Variants in RIMS1 observed in about 807,000 individuals in gnomAD.
The protein encoded by RIMS1 is regulating synaptic membrane exocytosis protein 1.
RIMS1 carries 83 observed loss-of-function variants against 214.1 expected under a neutral mutation model. The ratio of observed to expected loss-of-function variants is 0.39; its 90% CI spans 0.32 to 0.47. RIMS1 has a LOEUF of 0.47. Among genes scored for constraint, RIMS1 ranks in the 20% least tolerant of loss-of-function variants. The pLI is 0.99. For synonymous variants in RIMS1, 793 were observed against 786.8 expected, an observed-to-expected ratio of 1.01 and a Z score of -0.13; for missense variants, 2,050 against 2,161.8, an observed-to-expected ratio of 0.95 and a Z score of 1.03.
At chr6:72,345,137 T>C (rs1467622344) in intron 29 of RIMS1, among the ~76,000 whole-genome samples, 1 of 151,800 alleles carries the variant, frequency 6.6e-6, no homozygotes, top group Non-Finnish European at 1.5e-5. Context: ...TGTGTCTGAT[T>C]ATTTTTAAGA....
chr6:72,148,589 A>G (rs1292045741), intron 4 of RIMS1: 3 of 456,736 alleles, frequency 6.6e-6, no homozygotes, highest in Non-Finnish European at 1.3e-5. Context: ...CATCTATGCC[A>G]TGGATACGAG....
At chr6:71,971,712 C>T (rs553728852) in intron 2 of RIMS1, among the ~76,000 whole-genome samples, 15 of 152,252 alleles carry the variant, frequency 9.9e-5, no homozygotes, top group Admixed American at 7.8e-4. Flanking sequence ...TGGCAGCAGA[C>T]AAGAGAAGAG....
intron 1 of RIMS1, among the ~76,000 whole-genome samples, chr6:71,941,963 C>T (rs900917567): frequency 6.6e-6 from 1 of 152,190 alleles, no homozygotes; most frequent in Admixed American, 6.5e-5. Flanking sequence ...GACAGCTTGC[C>T]TTTGAAAGAA....
At chr6:72,226,206 G>T (rs147920064) in intron 6 of RIMS1, among the ~76,000 whole-genome samples, 2 of 151,968 alleles carry the variant, frequency 1.3e-5, no homozygotes, top group African/African-American at 2.4e-5. Flanking sequence ...TTTATCTAAG[G>T]CATTATAGCA....
Position 72,152,815 on chromosome 6 carries a change from A to C in RIMS1, c.472-26760A>C, listed in dbSNP as rs1017313675. Among the ~76,000 whole-genome samples, 22 of 71,336 alleles carry C rather than the reference A, an allele frequency of 3.1e-4. 1 individual carries two copies. The highest frequency in any genetic ancestry group is 1.1e-3 in the East Asian group (2 of 1,864). 46.8% of individuals were successfully genotyped at this position (71,336 alleles called of 152,430 possible). On this transcript the variant is annotated intron_variant, in intron 4 of 33. Transcript: ENST00000521978. Reference sequence around the variant, plus strand: ...GGAATATATGTATATATATGTATATATATGGAATATATGTATATATATGTA... The same window carrying C: ...GGAATATATGTATATATATGTATATCTATGGAATATATGTATATATATGTA...
At chr6:72,386,230 T>C (rs1030968979) in intron 29 of RIMS1, among the ~76,000 whole-genome samples, 3 of 152,236 alleles carry the variant, frequency 2.0e-5, no homozygotes, top group East Asian at 3.8e-4. Context: ...TTATTCACTT[T>C]TAAAGTTTTT....
intron 2 of RIMS1, among the ~76,000 whole-genome samples, chr6:72,055,107 G>T (rs1825805936): frequency 6.6e-6 from 1 of 152,084 alleles, no homozygotes; most frequent in East Asian, 1.9e-4. Flanking sequence ...TGTATAAGGT[G>T]TAATGTCCCT....
At chr6:71,963,573 A>G (rs890688065) in intron 1 of RIMS1, among the ~76,000 whole-genome samples, 2 of 152,164 alleles carry the variant, frequency 1.3e-5, no homozygotes, top group Non-Finnish European at 2.9e-5. Flanking sequence ...CAGATGTTAA[A>G]TAGTATTTCA....
chr6:72,272,108 G>A (rs989418158), intron 22 of RIMS1, among the ~76,000 whole-genome samples: 16 of 152,112 alleles, frequency 1.1e-4, no homozygotes, highest in South Asian at 2.1e-4. Context: ...AGAAAGGACC[G>A]GTTTAGTTCA....
At chr6:72,044,764 T>C (rs902773409) in intron 2 of RIMS1, among the ~76,000 whole-genome samples, 7 of 151,892 alleles carry the variant, frequency 4.6e-5, no homozygotes, top group Non-Finnish European at 1.0e-4. Flanking sequence ...GTTGGGAACA[T>C]AAAATGGAAA....
At chr6:72,004,158 T>A (rs546787080) in intron 2 of RIMS1, among the ~76,000 whole-genome samples, 40 of 151,968 alleles carry the variant, frequency 2.6e-4, no homozygotes, top group African/African-American at 9.2e-4. Flanking sequence ...CTGAGAATGA[T>A]GATTTCCCAT....
At chr6:72,341,284 T>C (rs930278796) in intron 29 of RIMS1, among the ~76,000 whole-genome samples, 2 of 152,114 alleles carry the variant, frequency 1.3e-5, no homozygotes, top group African/African-American at 4.8e-5. Context: ...TCCCTTCTCC[T>C]GCCTGATTGC....
chr6:72,262,729 T>A, intron 19 of RIMS1: 1 of 764,528 alleles, frequency 1.3e-6, no homozygotes, highest in Non-Finnish European at 1.6e-6. Context: ...ATCAATAATA[T>A]AGTTTGGTTT....
At chr6:72,117,708 TA>T in intron 4 of RIMS1, among the ~76,000 whole-genome samples, 1 of 152,068 alleles carries the variant, frequency 6.6e-6, no homozygotes, top group East Asian at 1.9e-4. Context: ...AAGATGGAAT[TA>T]AAAAATTCTT....
chr6:72,277,241 T>C (rs2086919270), intron 23 of RIMS1, among the ~76,000 whole-genome samples: 1 of 152,108 alleles, frequency 6.6e-6, no homozygotes, highest in Non-Finnish European at 1.5e-5. Context: ...TCTCAAGTGA[T>C]ACCATAGATT....
chr6:72,170,281 C>T (rs1588473493), intron 4 of RIMS1, among the ~76,000 whole-genome samples: 1 of 152,120 alleles, frequency 6.6e-6, no homozygotes, highest in Non-Finnish European at 1.5e-5. Context: ...TTTTCTTTTG[C>T]ATTTATTCCT....
chr6:72,059,498 G>A (rs1222347546), intron 2 of RIMS1, among the ~76,000 whole-genome samples: 1 of 152,130 alleles, frequency 6.6e-6, no homozygotes, highest in African/African-American at 2.4e-5. Flanking sequence ...CAAAGTGCTG[G>A]AATTACAGGT....
rs9446527 is a variant in RIMS1, at chr6:71,987,378, A to C, written c.245+18315A>C. Among the ~76,000 whole-genome samples the C allele has an allele frequency of 9.4e-3, 1,429 of 152,274 alleles. 27 individuals are homozygous for C. The highest frequency in any genetic ancestry group is 0.033 in the African/African-American group (1,370 of 41,572). ...TCTTGGTTTACAGACAGCTATTTTC[A>C]TATGGTGTCCTCACAGGCGGAGAGC... On this transcript the variant is annotated intron_variant, in intron 2 of 33. Coordinates refer to ENST00000521978, the MANE Select transcript of RIMS1 (RefSeq NM_014989.7).
chr6:72,194,068 C>T (rs1307089818), intron 6 of RIMS1, among the ~76,000 whole-genome samples: 1 of 151,932 alleles, frequency 6.6e-6, no homozygotes, highest in Non-Finnish European at 1.5e-5. Context: ...AGGAGAACTA[C>T]AAAACACCGA....
Sources: gnomAD v4.1 joint callset for allele counts (sites outside exome capture counted in the v4.1 genomes callset) on GRCh38, gnomAD v4.1.1 for gene constraint, MANE v1.5 for transcripts, NCBI Gene and HGNC (gene_info 2026-07-23, HGNC 2026-07-21) for gene names.